Variants in RHOD observed in about 807,000 individuals in gnomAD.
RHOD encodes the protein ras homolog family member D.
A neutral mutation model predicts 16.7 loss-of-function variants in RHOD; 11 were observed. That is an observed-to-expected ratio of 0.66 (90% CI 0.41 to 1.09). RHOD has a LOEUF of 1.09. RHOD is among the 50% of genes least tolerant of loss of function. The pLI, the probability that RHOD is intolerant of heterozygous loss-of-function variation, is 0.00. For synonymous variants in RHOD, 124 were observed against 126.3 expected, an observed-to-expected ratio of 0.98 and a Z score of 0.12; for missense variants, 271 against 291.7, an observed-to-expected ratio of 0.93 and a Z score of 0.52.
intron 1 of RHOD, among the ~76,000 whole-genome samples, chr11:67,065,366 AC>A (rs1361975810): frequency 1.3e-5 from 2 of 151,716 alleles, no homozygotes; most frequent in African/African-American, 4.8e-5. Flanking sequence ...GAGCCAGCAC[AC>A]CCGGCCTTTT....
chr11:67,061,272 T>A (rs541154613), intron 1 of RHOD, among the ~76,000 whole-genome samples: 2 of 151,902 alleles, frequency 1.3e-5, no homozygotes, highest in African/African-American at 4.8e-5. Flanking sequence ...GGCCAAGGTG[T>A]GCAGATCACT....
At position 67,057,014 on chromosome 11, in the gene RHOD, G is replaced by T; in HGVS notation, c.112G>T (p.Ala38Ser). 6.7e-7 allele frequency: 1 copy of T among 1,499,264 alleles called. No individual in the cohort carries two copies. The allele number at this position is 1,499,264 out of a possible 1,614,324, so 92.9% of individuals were successfully genotyped here. A position where few individuals can be genotyped will look rare whatever the true frequency, so the allele number is the denominator to read the frequency against. ...CGKTSLLMVF[A>S]DGAFPESYTP... ...GAAGACGTCGCTGCTGATGGTCTTC[G>T]CCGATGGGGCCTTCCCCGAGGTGAG... Residue 38 changes from alanine (A) to serine (S), a missense_variant, in exon 1 of 5, where the codon GCC (alanine) becomes TCC (serine). Physicochemically the swap from Ala to Ser is moderately conservative, Grantham distance 99. Transcript: ENST00000308831.
chr11:67,063,904 G>A (rs1379652868), intron 1 of RHOD, among the ~76,000 whole-genome samples: 2 of 149,440 alleles, frequency 1.3e-5, no homozygotes, highest in Non-Finnish European at 3.0e-5. Context: ...TCAGGAGTTC[G>A]AGACCAGCCT....
chr11:67,071,293 A>C (rs1855026157), intron 4 of RHOD, 142 bp from the exon 5 acceptor site: 4 of 561,860 alleles, frequency 7.1e-6, no homozygotes, highest in Non-Finnish European at 1.2e-5. Context: ...GAAGTGCATG[A>C]GGGCGCTTGG....
At chr11:67,065,273 A>G (rs1300625841) in intron 1 of RHOD, among the ~76,000 whole-genome samples, 1 of 152,074 alleles carries the variant, frequency 6.6e-6, no homozygotes, top group East Asian at 1.9e-4. Context: ...ACAGGGTTTC[A>G]CCATGTTGGT....
rs1233216193 is a variant in RHOD at position 67,063,490 on chromosome 11, CTTTTTT to C, written c.133-2393_133-2388del. On this transcript the variant is annotated intron_variant, in intron 1 of 4. Transcript: ENST00000308831. ...CCTGGGTGACAGAGTGAGACCCTAT[CTTTTTT>C]TTTTTTTTTTTTAAAAAAAGGCCAG... is the stretch of plus-strand genomic sequence containing the variant. 4.5e-3 allele frequency among the ~76,000 whole-genome samples: 564 copies of C among 125,098 alleles called. 12 individuals carry two copies. Among genetic ancestry groups the C allele is most frequent in the African/African-American group, 0.016 (506 of 31,698 alleles). 82.1% of individuals were successfully genotyped at this position (125,098 alleles called of 152,430 possible).
At chr11:67,065,831 C>A in intron 1 of RHOD, 65 bp from the exon 2 acceptor site, 2 of 1,089,734 alleles carry the variant, frequency 1.8e-6, no homozygotes, top group Non-Finnish European at 2.8e-6. Context: ...GCGCTGTGGA[C>A]AGACCAAGTC....
intron 1 of RHOD, 76 bp downstream of exon 1, chr11:67,057,110 A>T: frequency 1.5e-6 from 2 of 1,330,092 alleles, no homozygotes; most frequent in Non-Finnish European, 1.9e-6. Context: ...GGAGCGGCCC[A>T]GGCTGTGCGC....
intron 1 of RHOD, among the ~76,000 whole-genome samples, chr11:67,061,397 C>T (rs1412812462): frequency 6.6e-6 from 1 of 152,154 alleles, no homozygotes; most frequent in East Asian, 1.9e-4. Context: ...CTTCGGGAGG[C>T]CGAGGCGGGT....
At position 67,056,929 on chromosome 11, in the gene RHOD, G is replaced by A. The variant is rs199669171; in HGVS notation, c.27G>A (p.Glu9=). The change falls in exon 1 of 5, where the codon GAG becomes GAA. Residue 9 remains glutamate (E), a synonymous_variant. Coordinates refer to ENST00000308831, the MANE Select transcript of RHOD (RefSeq NM_014578.4). MTAAQAAG[E]EAPPGVRSVK... ...TGACGGCGGCCCAGGCCGCGGGTGA[G>A]GAGGCGCCACCAGGCGTGCGGTCCG... 6.0e-4 allele frequency: 888 copies of A among 1,476,560 alleles called. 7 individuals carry two copies. In the African/African-American group the frequency reaches 0.012, roughly 20 times the overall value. 91.5% of individuals were successfully genotyped at this position (1,476,560 alleles called of 1,614,324 possible).
chr11:67,069,108 C>T (rs1854993836), intron 3 of RHOD, among the ~76,000 whole-genome samples: 1 of 151,424 alleles, frequency 6.6e-6, no homozygotes, highest in Non-Finnish European at 1.5e-5. Flanking sequence ...GCTAGGATTG[C>T]AGGCTTGAGC....
intron 1 of RHOD, among the ~76,000 whole-genome samples, chr11:67,065,416 T>G (rs904885297): frequency 6.6e-6 from 1 of 152,096 alleles, no homozygotes; most frequent in African/African-American, 2.4e-5. Context: ...AGTCTTGCTC[T>G]GTCACCTAGG....
chr11:67,071,385 G>T lies in RHOD; in HGVS notation c.466-50G>T, dbSNP rs925002006. On this transcript the variant is annotated intron_variant, in intron 4 of 4. Coordinates refer to ENST00000308831, the MANE Select transcript of RHOD (RefSeq NM_014578.4). ...CCGGGAAAAGGAAGCGAGAACGTGA[G>T]GCCTGCCCAGTGCCCCCTTCACCGC... 3.3e-6 allele frequency: 5 copies of T among 1,514,510 alleles called. No individual in the cohort carries two copies. The Admixed American group carries it at 9.9e-5, about 30-fold the overall frequency. 93.8% of individuals were successfully genotyped at this position (1,514,510 alleles called of 1,614,324 possible).
At chr11:67,068,545 C>T (rs1314842705) in intron 3 of RHOD, among the ~76,000 whole-genome samples, 2 of 152,090 alleles carry the variant, frequency 1.3e-5, no homozygotes, top group Non-Finnish European at 2.9e-5. Flanking sequence ...GGTGCGGTAG[C>T]TCACGCCTTG....
At position 67,056,885 on chromosome 11, in the gene RHOD, T is replaced by C; in HGVS notation, c.-18T>C. The C allele has an allele frequency of 7.2e-7, 1 of 1,386,988 alleles. No homozygotes were observed. The highest frequency in any genetic ancestry group is 3.1e-5 in the East Asian group (1 of 32,150). The allele number at this position is 1,386,988 out of a possible 1,614,324, so 85.9% of individuals were successfully genotyped here. A position where few individuals can be genotyped will look rare whatever the true frequency, so the allele number is the denominator to read the frequency against. ...GCGCCGCAGCCGCCCGCCCGCCCGCTCAGCGCCCGGCCCCGGGATGACGGC... is the reference window on the plus strand; with the variant it reads ...GCGCCGCAGCCGCCCGCCCGCCCGCCCAGCGCCCGGCCCCGGGATGACGGC... On this transcript the variant is annotated 5_prime_UTR_variant, in exon 1 of 5. Coordinates refer to ENST00000308831, the MANE Select transcript of RHOD (RefSeq NM_014578.4).
At chr11:67,057,134 C>T in intron 1 of RHOD, 100 bp downstream of exon 1, 2 of 1,294,764 alleles carry the variant, frequency 1.5e-6, no homozygotes, top group South Asian at 2.1e-5. Flanking sequence ...ACCCGGCCTC[C>T]GAGGGGTGTC....
chr11:67,061,713 A>T (rs1005208133), intron 1 of RHOD, among the ~76,000 whole-genome samples: 23 of 34,514 alleles, frequency 6.7e-4, no homozygotes, highest in African/African-American at 5.9e-3. Flanking sequence ...CAGCCTGTCC[A>T]GGAGGCGACA....
chr11:67,066,602 T>G, intron 2 of RHOD, 136 bp from the exon 3 acceptor site: 1 of 685,400 alleles, frequency 1.5e-6, no homozygotes. Context: ...GAGCCAAATT[T>G]GTGCCAAACT....
At chr11:67,059,273 C>T (rs994830702) in intron 1 of RHOD, among the ~76,000 whole-genome samples, 9 of 152,152 alleles carry the variant, frequency 5.9e-5, no homozygotes, top group Non-Finnish European at 4.4e-5. Context: ...GGCGTAATGG[C>T]CCACACCTGT....
Sources: allele counts gnomAD v4.1 joint callset (sites outside exome capture counted in the v4.1 genomes callset), GRCh38; gene constraint gnomAD v4.1.1; transcripts MANE v1.5; gene names NCBI Gene and HGNC (gene_info 2026-07-23, HGNC 2026-07-21).